Variants in ELOVL5 observed in about 807,000 individuals in gnomAD.
The protein encoded by ELOVL5 is very long chain fatty acid elongase 5.
Under a neutral mutation model 38.6 loss-of-function variants are expected in ELOVL5, and 8 were observed. The observed-to-expected ratio is 0.21, with a 90% CI of 0.12 to 0.37. The LOEUF is 0.37. ELOVL5 is among the 10% of genes least tolerant of loss of function. ELOVL5 has a pLI of 1.00. For missense variants in ELOVL5, 280 were observed against 367.8 expected (o/e 0.76, Z 1.95); for synonymous variants, 127 against 133.7 (o/e 0.95, Z 0.34).
At chr6:53,312,913 A>G (rs1208666683) in intron 1 of ELOVL5, among the ~76,000 whole-genome samples, 2 of 152,258 alleles carry the variant, frequency 1.3e-5, no homozygotes, top group Non-Finnish European at 2.9e-5. Context: ...TCCATTCACA[A>G]AAGTTTAAGA....
Position 53,276,162 on chromosome 6 carries a change from T to G in ELOVL5, c.324+17A>C, listed in dbSNP as rs555577867. ...TCAACACTTATAATAATAAAGTTTC[T>G]GAAAAAGAGACAGTACCTTCATATC... On this transcript the variant is annotated intron_variant, in intron 4 of 7. Transcript: ENST00000304434. 3.2e-6 allele frequency: 5 copies of G among 1,575,154 alleles called. No individual in the cohort carries two copies. In the African/African-American group the frequency reaches 6.8e-5, roughly 21 times the overall value.
At chr6:53,310,296 T>C (rs1767777520) in intron 1 of ELOVL5, among the ~76,000 whole-genome samples, 1 of 152,222 alleles carries the variant, frequency 6.6e-6, no homozygotes, top group African/African-American at 2.4e-5. Context: ...AAGAGCCTAC[T>C]ACGTAGCTGG....
intron 1 of ELOVL5, among the ~76,000 whole-genome samples, chr6:53,321,612 C>A (rs1381409880): frequency 6.6e-6 from 1 of 152,054 alleles, no homozygotes; most frequent in Non-Finnish European, 1.5e-5. Flanking sequence ...ATTAATGTTC[C>A]CACTTGCAAG....
chr6:53,294,782 A>C (rs1766926489), intron 2 of ELOVL5, among the ~76,000 whole-genome samples: 1 of 152,206 alleles, frequency 6.6e-6, no homozygotes, highest in Non-Finnish European at 1.5e-5. Flanking sequence ...ATTCCTTGAA[A>C]AACAATGCTG....
At chr6:53,333,568 T>C (rs989825883) in intron 1 of ELOVL5, among the ~76,000 whole-genome samples, 11 of 152,218 alleles carry the variant, frequency 7.2e-5, no homozygotes, top group African/African-American at 2.7e-4. Context: ...ATAGGGATAC[T>C]GATTAATGTA....
At chr6:53,272,044 T>C (rs1006911806) in intron 6 of ELOVL5, among the ~76,000 whole-genome samples, 1 of 152,176 alleles carries the variant, frequency 6.6e-6, no homozygotes, top group African/African-American at 2.4e-5. Context: ...ACAAGGACCA[T>C]ATAGCAGCTG....
At chr6:53,288,042 G>T in intron 3 of ELOVL5, 1 of 1,029,846 alleles carries the variant, frequency 9.7e-7, no homozygotes, top group Non-Finnish European at 1.5e-6. Flanking sequence ...CATGAGGACA[G>T]AGCATCTGCC....
chr6:53,299,407 A>G lies in ELOVL5; in HGVS notation c.-8-3700T>C, dbSNP rs151176255. The stretch of plus-strand genomic sequence containing the variant: ...GAAATGTTTCAAAGTGAAAATACAG[A>G]TTGGTGGGGCAGGAATGGAGAGGGT... On this transcript the variant is annotated intron_variant, in intron 1 of 7. Transcript: ENST00000304434. Among the ~76,000 whole-genome samples, 396 of 152,328 alleles carry G rather than the reference A, an allele frequency of 2.6e-3. 2 individuals carry two copies. Among genetic ancestry groups the G allele is most frequent in the African/African-American group, 6.9e-3 (288 of 41,568 alleles).
intron 2 of ELOVL5, chr6:53,294,041 G>T: frequency 8.4e-7 from 1 of 1,197,264 alleles, no homozygotes; most frequent in Non-Finnish European, 1.1e-6. Flanking sequence ...CTGTTATTTT[G>T]TATGAACATA....
intron 2 of ELOVL5, among the ~76,000 whole-genome samples, chr6:53,293,211 C>T (rs1216122437): frequency 5.9e-5 from 9 of 152,210 alleles, no homozygotes. Context: ...CCCGCCAAGG[C>T]TCACAACTCC....
rs1768972960 is a variant in ELOVL5, at chr6:53,334,779, C to T, written c.-9+14038G>A. Among the ~76,000 whole-genome samples the T allele has an allele frequency of 2.0e-5, 3 of 152,106 alleles. No individual in the cohort carries two copies. In the South Asian group the frequency reaches 6.2e-4, roughly 32 times the overall value. ...CACACCTGGTTTTTCCTTCCAACTC[C>T]CTCATTTCTGTGACCTGCCCCATAA... On this transcript the variant is annotated intron_variant, in intron 1 of 7. Coordinates refer to ENST00000304434, the MANE Select transcript of ELOVL5 (RefSeq NM_021814.5).
Position 53,295,715 on chromosome 6 carries a change from G to GAA in ELOVL5, c.-8-10_-8-9dup. On this transcript the variant is annotated splice_polypyrimidine_tract_variant and intron_variant, in intron 1 of 7. Transcript: ENST00000304434. ...AATGTTCCATTTGAAAACCTATTAA[G>GAA]AAAAAAAAAGATACTGATTAATCTC... The GAA allele has an allele frequency of 1.3e-6, 2 of 1,493,354 alleles. No homozygotes were observed. The highest frequency in any genetic ancestry group is 2.2e-5 in the Admixed American group (1 of 45,408). 92.5% of individuals were successfully genotyped at this position (1,493,354 alleles called of 1,614,324 possible).
intron 1 of ELOVL5, 89 bp from the exon 2 acceptor site, chr6:53,295,796 A>G (rs946052289): frequency 3.7e-6 from 3 of 812,290 alleles, no homozygotes; most frequent in Admixed American, 3.3e-5. Flanking sequence ...TTCTTTTCAA[A>G]GAATATGCTA....
chr6:53,275,665 G>A (rs547507006), intron 4 of ELOVL5, among the ~76,000 whole-genome samples: 4 of 152,248 alleles, frequency 2.6e-5, no homozygotes, highest in East Asian at 1.9e-4. Context: ...TGGAGCAGCC[G>A]ACCTGATAAG....
At chr6:53,290,590 T>C (rs184354831) in intron 3 of ELOVL5, 1 of 152,352 alleles carries the variant, frequency 6.6e-6, no homozygotes, top group Admixed American at 6.5e-5. Context: ...TTTCTTGGCA[T>C]GTCAAGCATA....
At chr6:53,341,996 C>T (rs1250293467) in intron 1 of ELOVL5, among the ~76,000 whole-genome samples, 1 of 152,158 alleles carries the variant, frequency 6.6e-6, no homozygotes, top group African/African-American at 2.4e-5. Context: ...AGGTGGAACC[C>T]CGCATAGGTG....
At chr6:53,273,503 G>A (rs1367522914) in intron 5 of ELOVL5, among the ~76,000 whole-genome samples, 159 bp from the exon 6 acceptor site, 2 of 152,204 alleles carry the variant, frequency 1.3e-5, no homozygotes, top group African/African-American at 2.4e-5. Context: ...GCATGGATGT[G>A]TAATGAGAAT....
intron 3 of ELOVL5, among the ~76,000 whole-genome samples, chr6:53,291,114 G>A (rs1255838351): frequency 2.0e-5 from 3 of 152,156 alleles, no homozygotes; most frequent in African/African-American, 4.8e-5. Context: ...TCAAAATAGG[G>A]AGAAGAGAAG....
In ELOVL5 at chr6:53,271,230, G is replaced by A. The variant is rs189379125; in HGVS notation, c.622-503C>T. ...CCTTGAAACGCATGTGAACTGGTTAGAGAAATGGTGGAAAGATGTTTTAAA... is the reference window on the plus strand; with the variant it reads ...CCTTGAAACGCATGTGAACTGGTTAAAGAAATGGTGGAAAGATGTTTTAAA... On this transcript the variant is annotated intron_variant, in intron 6 of 7. Coordinates refer to ENST00000304434, the MANE Select transcript of ELOVL5 (RefSeq NM_021814.5). Among the ~76,000 whole-genome samples the A allele has an allele frequency of 3.9e-5, 6 of 152,312 alleles. No homozygotes were observed. In the East Asian group the frequency reaches 7.7e-4, roughly 20 times the overall value.
Sources: gnomAD v4.1 joint callset for allele counts (sites outside exome capture counted in the v4.1 genomes callset) on GRCh38, gnomAD v4.1.1 for gene constraint, MANE v1.5 for transcripts, NCBI Gene and HGNC (gene_info 2026-07-23, HGNC 2026-07-21) for gene names.